CHFR: variants seen among roughly 807,000 people sequenced by gnomAD.
CHFR encodes the protein E3 ubiquitin-protein ligase CHFR.
In CHFR, 57 loss-of-function variants were observed where a neutral mutation model predicts 87.6. That is an observed-to-expected ratio of 0.65 (90% CI 0.53 to 0.81). CHFR has a LOEUF of 0.81. Among genes scored for constraint, CHFR ranks in the 30% least tolerant of loss-of-function variants. The probability of loss-of-function intolerance (pLI) is 0.00; values close to 1 mark genes in which losing one functional copy is unlikely to be tolerated. For missense variants in CHFR, 797 were observed against 865.8 expected (o/e 0.92, Z 1.00); for synonymous variants, 381 against 359.2 (o/e 1.06, Z -0.69).
At chr12:132,873,055 G>A (rs1186792029) in intron 3 of CHFR, among the ~76,000 whole-genome samples, 1 of 152,150 alleles carries the variant, frequency 6.6e-6, no homozygotes, top group South Asian at 2.1e-4. Flanking sequence ...TCAGGTGTTG[G>A]TCAGGTGACC....
intron 4 of CHFR, 53 bp downstream of exon 4, chr12:132,872,232 C>T (rs1174890964): frequency 8.6e-7 from 1 of 1,165,812 alleles, no homozygotes; most frequent in African/African-American, 1.5e-5. Flanking sequence ...AGAGAGCGCC[C>T]TCACGTGCAC....
At position 132,835,759 on chromosome 12, in the gene CHFR, A is replaced by G; in HGVS notation, c.*5795T>C. 3.6e-6 allele frequency: 1 copy of G among 274,408 alleles called. No homozygotes were observed. The highest frequency in any genetic ancestry group is 7.2e-6 in the Non-Finnish European group (1 of 139,454). The allele number at this position is 274,408 out of a possible 1,614,324, so 17.0% of individuals were successfully genotyped here. On this transcript the variant is annotated 3_prime_UTR_variant, in exon 18 of 18. Coordinates refer to ENST00000450056, the MANE Select transcript of CHFR (RefSeq NM_001161346.2). ...AGCGGCCCAAGTGGACCCACATTCA[A>G]GGCCAGCACTGGGCAGGGCGGGTCT...
rs1950687714 is a variant in CHFR at position 132,840,472 on chromosome 12, G to A, written c.*1082C>T. Reference sequence around the variant, plus strand: ...GACAACAGTTGAAAACTGTATTCCTGAGAAGAAGCAAAAAAGTTATCAGTT... The same window carrying A: ...GACAACAGTTGAAAACTGTATTCCTAAGAAGAAGCAAAAAAGTTATCAGTT... On this transcript the variant is annotated 3_prime_UTR_variant, in exon 18 of 18. Transcript: ENST00000450056. 1 of 152,662 alleles carries A rather than the reference G, an allele frequency of 6.6e-6. No homozygotes were observed. The highest frequency in any genetic ancestry group is 2.4e-5 in the African/African-American group (1 of 41,470). 9.5% of individuals were successfully genotyped at this position (152,662 alleles called of 1,614,324 possible).
At chr12:132,856,804 T>C in intron 9 of CHFR, 174 bp from the exon 10 acceptor site, 1 of 765,500 alleles carries the variant, frequency 1.3e-6, no homozygotes, top group East Asian at 2.5e-5. Context: ...CAGGTGCTGG[T>C]GTGGATGCCC....
At chr12:132,862,666 G>A (rs905711370) in intron 6 of CHFR, among the ~76,000 whole-genome samples, 6 of 151,360 alleles carry the variant, frequency 4.0e-5, no homozygotes, top group African/African-American at 1.5e-4. Context: ...TGCAAGCTCC[G>A]CCTCCTGGGT....
rs1202744561 is a variant in CHFR, at chr12:132,847,624, A to G, written c.1647+461T>C. On this transcript the variant is annotated intron_variant, in intron 14 of 17. Coordinates refer to ENST00000450056, the MANE Select transcript of CHFR (RefSeq NM_001161346.2). ...AGGCCCCACCATTGTGTGTGCTGTC[A>G]GCAAAGTGCTCGGCAGGAGGGCGAA... The G allele has an allele frequency of 4.6e-6, 5 of 1,080,484 alleles. No homozygotes were observed. The Admixed American group carries it at 1.5e-4, about 32-fold the overall frequency. 66.9% of individuals were successfully genotyped at this position (1,080,484 alleles called of 1,614,324 possible).
intron 10 of CHFR, among the ~76,000 whole-genome samples, chr12:132,855,242 GAAA>G (rs35090182): frequency 3.2e-5 from 4 of 126,314 alleles, no homozygotes; most frequent in Non-Finnish European, 6.5e-5. Flanking sequence ...ACTTTGTCTC[GAAA>G]AAAAAAAAAA....
intron 3 of CHFR, among the ~76,000 whole-genome samples, chr12:132,873,762 T>A (rs1230502411): frequency 1.3e-5 from 2 of 152,188 alleles, no homozygotes; most frequent in East Asian, 1.9e-4. Context: ...CTTGGGTGCA[T>A]GCAGGGGGCT....
rs1950685535 is a variant in CHFR at position 132,840,300 on chromosome 12, C to G, written c.*1254G>C. The stretch of plus-strand genomic sequence containing the variant: ...AGCTCACTCTGCATGGGGCCTGCCT[C>G]CCTCGCATGGGGAAGTGAGGCAGCC... On this transcript the variant is annotated 3_prime_UTR_variant, in exon 18 of 18. Transcript: ENST00000450056. 1 of 150,154 alleles carries G rather than the reference C, an allele frequency of 6.7e-6. No individual in the cohort carries two copies. Among genetic ancestry groups the G allele is most frequent in the Non-Finnish European group, 1.5e-5 (1 of 67,220 alleles). The allele number at this position is 150,154 out of a possible 1,614,324, so 9.3% of individuals were successfully genotyped here.
At position 132,838,802 on chromosome 12, in the gene CHFR, A is replaced by T. The variant is rs1950667787; in HGVS notation, c.*2752T>A. On this transcript the variant is annotated 3_prime_UTR_variant, in exon 18 of 18. Transcript: ENST00000450056. ...AGTACAGAAGCTCATGAAAAGACGG[A>T]ATGAGTTCACGGCCACCTGCTTCCA... 6.6e-6 allele frequency: 1 copy of T among 152,198 alleles called. No homozygotes were observed. The highest frequency in any genetic ancestry group is 1.5e-5 in the Non-Finnish European group (1 of 68,050). 9.4% of individuals were successfully genotyped at this position (152,198 alleles called of 1,614,324 possible). A position where few individuals can be genotyped will look rare whatever the true frequency, so the allele number is the denominator to read the frequency against.
chr12:132,855,833 T>A (rs1951054960), intron 10 of CHFR, among the ~76,000 whole-genome samples: 1 of 151,030 alleles, frequency 6.6e-6, no homozygotes, highest in Non-Finnish European at 1.5e-5. Context: ...CAAAAGGAAA[T>A]AAAGATAAAA....
intron 16 of CHFR, 68 bp from the exon 17 acceptor site, chr12:132,843,151 C>T (rs1950737277): frequency 7.1e-7 from 1 of 1,415,826 alleles, no homozygotes; most frequent in Non-Finnish European, 9.9e-7. Flanking sequence ...ACCTGAATCC[C>T]AGCAGAGACC....
rs1433674477 is a variant in CHFR at position 132,848,648 on chromosome 12, C to T, written c.1569G>A (p.Pro523=). The change falls in exon 13 of 18, where the codon CCG becomes CCA. Residue 523 remains proline, a synonymous_variant. Transcript: ENST00000450056. ...CTGAAGAGCCAGTATTACCACAAAA[C>T]GGGGCCAGGCAGCCGTAGCAGCCGG... ...TRTGCYGCLA[P]FCELNLGDKC... is the part of the protein sequence containing the mutation. 10 of 1,590,914 alleles carry T rather than the reference C, an allele frequency of 6.3e-6. No individual in the cohort carries two copies. The highest frequency in any genetic ancestry group is 2.3e-5 in the East Asian group (1 of 43,614).
In CHFR at chr12:132,835,652, C is replaced by G. The variant is rs1462566195; in HGVS notation, c.*5902G>C. On this transcript the variant is annotated 3_prime_UTR_variant, in exon 18 of 18. Transcript: ENST00000450056. ...AAGAGGAACCGGCCCCGCTGACACC[C>G]TGATCTCAGAGTTCCAGGCCCCAGA... The G allele has an allele frequency of 5.1e-6, 1 of 197,588 alleles. No homozygotes were observed. Among genetic ancestry groups the G allele is most frequent in the Non-Finnish European group, 1.1e-5 (1 of 94,476 alleles). The allele number at this position is 197,588 out of a possible 1,614,324, so 12.2% of individuals were successfully genotyped here.
intron 11 of CHFR, 67 bp downstream of exon 11, chr12:132,853,364 G>T (rs1950988833): frequency 7.1e-7 from 1 of 1,405,422 alleles, no homozygotes; most frequent in African/African-American, 1.5e-5. Flanking sequence ...CCACGTGCAC[G>T]TCAGCACCGG....
At chr12:132,865,424 G>A (rs1951311856) in intron 6 of CHFR, among the ~76,000 whole-genome samples, 3 of 151,004 alleles carry the variant, frequency 2.0e-5, no homozygotes, top group South Asian at 2.1e-4. Context: ...ACGCGGTATC[G>A]GCTCACTGCA....
intron 9 of CHFR, 23 bp downstream of exon 9, chr12:132,857,382 C>G (rs1359990499): frequency 6.2e-7 from 1 of 1,611,970 alleles, no homozygotes; most frequent in South Asian, 1.1e-5. Flanking sequence ...TGCCCGGGTG[C>G]TGGTGTGGAT....
Position 132,847,085 on chromosome 12 carries a change from C to T in CHFR, c.1693G>A (p.Glu565Lys), listed in dbSNP as rs780655269. 10 of 1,613,762 alleles carry T rather than the reference C, an allele frequency of 6.2e-6. No individual in the cohort carries two copies. Among genetic ancestry groups the T allele is most frequent in the East Asian group, 4.5e-5 (2 of 44,858 alleles). The change falls in exon 15 of 18, where the codon GAG (glutamate) becomes AAG (lysine). Residue 565 changes from glutamate (E) to lysine (K), a missense_variant. Around this residue, in one of 2 missense-constraint regions of CHFR, gnomAD observed 200 missense variants for 264.6 expected, o/e 0.76. Transcript: ENST00000450056. ...RGLTWKNMLTESLVALQRGVF... is the reference protein window; with the variant it reads ...RGLTWKNMLTKSLVALQRGVF... ...CCCCGCTGGAGAGCCACGAGGCTCTCGGTCAACATGTTTTTCCATGTCAAA... is the reference window on the plus strand; with the variant it reads ...CCCCGCTGGAGAGCCACGAGGCTCTTGGTCAACATGTTTTTCCATGTCAAA...
chr12:132,883,334 G>A (rs1013372104), intron 2 of CHFR, among the ~76,000 whole-genome samples: 2 of 151,468 alleles, frequency 1.3e-5, no homozygotes, highest in African/African-American at 2.4e-5. Context: ...GCTGAGGAAG[G>A]AGAATCACTT....
Sources: allele counts gnomAD v4.1 joint callset (sites outside exome capture counted in the v4.1 genomes callset), GRCh38; gene constraint gnomAD v4.1.1; regional missense constraint gnomAD v4.1.1; transcripts MANE v1.5; gene names NCBI Gene and HGNC (gene_info 2026-07-23, HGNC 2026-07-21).